DOCK4: variants seen among roughly 807,000 people sequenced by gnomAD.
The protein encoded by DOCK4 is dedicator of cytokinesis protein 4.
In DOCK4, 97 loss-of-function variants were observed where a neutral mutation model predicts 268.1. The observed-to-expected ratio is 0.36, with a 90% CI of 0.31 to 0.43. The LOEUF is 0.43. Ranked by LOEUF, DOCK4 falls within the 20% of genes least tolerant of loss-of-function variation. The pLI is 1.00. For synonymous variants in DOCK4, 954 were observed against 887.2 expected, an observed-to-expected ratio of 1.08 and a Z score of -1.34; for missense variants, 2,145 against 2,455.7, an observed-to-expected ratio of 0.87 and a Z score of 2.67.
chr7:112,103,726 A>C (rs1325608657), intron 1 of DOCK4, among the ~76,000 whole-genome samples: 1 of 152,176 alleles, frequency 6.6e-6, no homozygotes, highest in East Asian at 1.9e-4. Flanking sequence ...TACTAAAAAT[A>C]CAAAAATTAG....
intron 23 of DOCK4, among the ~76,000 whole-genome samples, chr7:111,857,321 A>G (rs1414647912): frequency 6.6e-6 from 1 of 152,176 alleles, no homozygotes; most frequent in African/African-American, 2.4e-5. Flanking sequence ...GCAGTTTTGT[A>G]TAAAATCCAC....
At position 112,002,662 on chromosome 7, in the gene DOCK4, T is replaced by C. The variant is rs568818000; in HGVS notation, c.121+1386A>G. Among the ~76,000 whole-genome samples the C allele has an allele frequency of 8.5e-5, 13 of 152,296 alleles. No individual in the cohort carries two copies. In the East Asian group the frequency reaches 1.5e-3, roughly 18 times the overall value. ...ATATGATAAAAATATCATCATAATA[T>C]AAATTCCTAGTAAGGAAAACCTTAA... On this transcript the variant is annotated intron_variant, in intron 2 of 52. Transcript: ENST00000428084.
At chr7:112,094,381 TCGA>T (rs2135777398) in intron 1 of DOCK4, among the ~76,000 whole-genome samples, 1 of 152,294 alleles carries the variant, frequency 6.6e-6, no homozygotes, top group East Asian at 1.9e-4. Flanking sequence ...TTATATCAAA[TCGA>T]CATAGTTTTT....
At chr7:111,852,368 T>C (rs1002521741) in intron 23 of DOCK4, among the ~76,000 whole-genome samples, 1 of 152,162 alleles carries the variant, frequency 6.6e-6, no homozygotes, top group Non-Finnish European at 1.5e-5. Flanking sequence ...AGGCATTCTA[T>C]ACATTAAGAA....
intron 1 of DOCK4, among the ~76,000 whole-genome samples, chr7:112,132,117 A>T (rs1429655840): frequency 1.3e-5 from 2 of 152,162 alleles, no homozygotes. Context: ...GACCATTAGG[A>T]AAACAGTGGA....
chr7:112,036,219 A>C (rs1803742255), intron 1 of DOCK4, among the ~76,000 whole-genome samples: 1 of 152,160 alleles, frequency 6.6e-6, no homozygotes, highest in Non-Finnish European at 1.5e-5. Flanking sequence ...CCTTAGAATA[A>C]ACAAACCAAA....
chr7:112,036,302 CTG>C (rs1803754333), intron 1 of DOCK4, among the ~76,000 whole-genome samples: 1 of 151,758 alleles, frequency 6.6e-6, no homozygotes, highest in African/African-American at 2.4e-5. Flanking sequence ...CATGGAAAAA[CTG>C]TGGCGAAAGG....
chr7:111,799,227 C>A (rs1800101832), intron 30 of DOCK4, among the ~76,000 whole-genome samples: 1 of 152,192 alleles, frequency 6.6e-6, no homozygotes, highest in Non-Finnish European at 1.5e-5. Context: ...CAGGCTCCAG[C>A]CAATGGAAAG....
At chr7:111,992,154 C>T (rs887894666) in intron 5 of DOCK4, among the ~76,000 whole-genome samples, 3 of 151,972 alleles carry the variant, frequency 2.0e-5, no homozygotes, top group African/African-American at 4.8e-5. Context: ...TCCTTGGCAA[C>T]GTTATTTAAA....
At chr7:112,004,278 T>A in intron 1 of DOCK4, 147 bp from the exon 2 acceptor site, 1 of 600,718 alleles carries the variant, frequency 1.7e-6, no homozygotes, top group Non-Finnish European at 2.8e-6. Flanking sequence ...TATATCTTTC[T>A]AAGAAAATCA....
At chr7:111,774,961 C>T (rs1798353642) in intron 36 of DOCK4, among the ~76,000 whole-genome samples, 1 of 152,116 alleles carries the variant, frequency 6.6e-6, no homozygotes, top group African/African-American at 2.4e-5. Context: ...AGGTAGCTAG[C>T]CTGTAGGTTG....
At chr7:111,937,645 A>G (rs1794851136) in intron 11 of DOCK4, among the ~76,000 whole-genome samples, 2 of 152,208 alleles carry the variant, frequency 1.3e-5, no homozygotes, top group South Asian at 2.1e-4. Context: ...AGAAATGATG[A>G]GAGTGTGTTT....
At chr7:112,133,295 C>T (rs1322017701) in intron 1 of DOCK4, among the ~76,000 whole-genome samples, 3 of 152,194 alleles carry the variant, frequency 2.0e-5, no homozygotes, top group East Asian at 1.9e-4. Flanking sequence ...CAGGGCTGAT[C>T]GAGAGAGAAT....
intron 30 of DOCK4, among the ~76,000 whole-genome samples, chr7:111,802,986 C>T (rs754900660): frequency 6.6e-6 from 1 of 152,132 alleles, no homozygotes; most frequent in Non-Finnish European, 1.5e-5. Flanking sequence ...ACCCTAATGC[C>T]TTTATCACAC....
intron 36 of DOCK4, among the ~76,000 whole-genome samples, chr7:111,772,747 G>C (rs893622321): frequency 1.3e-5 from 2 of 152,182 alleles, no homozygotes; most frequent in African/African-American, 4.8e-5. Context: ...AGTGAGCTGA[G>C]ATCATGCCAT....
chr7:111,960,885 T>C (rs980053241), intron 8 of DOCK4, among the ~76,000 whole-genome samples: 1 of 152,208 alleles, frequency 6.6e-6, no homozygotes, highest in Non-Finnish European at 1.5e-5. Context: ...CTGAATAGTA[T>C]TCCAAAGTGT....
At chr7:112,057,169 C>A (rs1258703665) in intron 1 of DOCK4, among the ~76,000 whole-genome samples, 1 of 152,040 alleles carries the variant, frequency 6.6e-6, no homozygotes, top group Admixed American at 6.6e-5. Flanking sequence ...ATCCCAGCAG[C>A]TCAGAAGGCA....
At chr7:111,996,812 G>C (rs897576014) in intron 4 of DOCK4, among the ~76,000 whole-genome samples, 1 of 152,170 alleles carries the variant, frequency 6.6e-6, no homozygotes, top group East Asian at 1.9e-4. Flanking sequence ...TTTAAAAAAA[G>C]GACGTACTTA....
At chr7:111,794,667 T>C (rs923016133) in intron 30 of DOCK4, among the ~76,000 whole-genome samples, 7 of 152,160 alleles carry the variant, frequency 4.6e-5, no homozygotes, top group African/African-American at 1.7e-4. Flanking sequence ...CTCTGGGTGC[T>C]TTACATGTGT....
Sources: gnomAD v4.1 joint callset for allele counts (sites outside exome capture counted in the v4.1 genomes callset) on GRCh38, gnomAD v4.1.1 for gene constraint, MANE v1.5 for transcripts, NCBI Gene and HGNC (gene_info 2026-07-23, HGNC 2026-07-21) for gene names.